The following DZANK1 variants were observed in gnomAD, a reference collection of about 807,000 sequenced individuals.
The protein encoded by DZANK1 is double zinc ribbon and ankyrin repeat-containing protein 1.
In DZANK1, 91 loss-of-function variants were observed where a neutral mutation model predicts 94.5. The ratio of observed to expected loss-of-function variants is 0.96; its 90% confidence interval spans 0.81 to 1.15. The LOEUF (loss-of-function observed/expected upper bound fraction) is 1.15. Ranked by LOEUF, DZANK1 falls within the 50% of genes most tolerant of loss-of-function variation. DZANK1 has a pLI of 0.00. For synonymous variants in DZANK1, 312 were observed against 325.3 expected (o/e 0.96, Z 0.44); for missense variants, 903 against 916.4 (o/e 0.99, Z 0.19).
chr20:18,464,106 T>C (rs2424206), intron 2 of DZANK1, among the ~76,000 whole-genome samples: 85,851 of 151,120 alleles, frequency 0.57, 24,598 homozygotes, highest in Admixed American at 0.6. Context: ...TGGAGTCTTG[T>C]TCTGTCTCCC....
intron 7 of DZANK1, among the ~76,000 whole-genome samples, chr20:18,447,571 G>A (rs778078419): frequency 7.9e-5 from 12 of 151,580 alleles, no homozygotes; most frequent in Non-Finnish European, 1.3e-4. Flanking sequence ...CAGGTGATCC[G>A]CCCACCTCAG....
At chr20:18,457,439 T>G (rs993380842) in intron 3 of DZANK1, among the ~76,000 whole-genome samples, 3 of 152,040 alleles carry the variant, frequency 2.0e-5, no homozygotes, top group Non-Finnish European at 4.4e-5. Flanking sequence ...ATCACACCAC[T>G]ACACTCCAGT....
At chr20:18,405,978 C>T (rs751556407) in intron 13 of DZANK1, among the ~76,000 whole-genome samples, 5 of 152,170 alleles carry the variant, frequency 3.3e-5, no homozygotes, top group Non-Finnish European at 5.9e-5. Context: ...AGCCAGTGCC[C>T]GCACATGGAG....
chr20:18,398,658 T>A (rs760784763), intron 13 of DZANK1, 32 bp from the exon 14 acceptor site: 1 of 1,585,114 alleles, frequency 6.3e-7, no homozygotes, highest in African/African-American at 1.3e-5. Context: ...GCCATCTGGA[T>A]GATTCTCCTG....
intron 8 of DZANK1, among the ~76,000 whole-genome samples, chr20:18,435,601 G>C (rs1440013186): frequency 6.6e-6 from 1 of 152,006 alleles, no homozygotes; most frequent in Non-Finnish European, 1.5e-5. Context: ...GTCGGGGGTG[G>C]GGGGCAAGAG....
At chr20:18,383,650 A>G (rs995073306) in exon 21 of DZANK1, 3 of 152,220 alleles carry the variant, frequency 2.0e-5, no homozygotes, top group Admixed American at 6.5e-5. Context: ...TGCTTATACC[A>G]CATGTATGTG....
At position 18,462,721 on chromosome 20, in the gene DZANK1, C is replaced by T. The variant is rs114854852; in HGVS notation, c.110-2415G>A. The stretch of plus-strand genomic sequence containing the variant: ...CAAAGAAATAAGAGTTGAGGCCGGG[C>T]GCGGTGGTTCACATCTGTAATCCCA... On this transcript the variant is annotated intron_variant, in intron 2 of 20. Coordinates refer to ENST00000262547, the Ensembl canonical transcript of DZANK1. 3.7e-3 allele frequency among the ~76,000 whole-genome samples: 565 copies of T among 152,060 alleles called. 5 individuals are homozygous for T. The highest frequency in any genetic ancestry group is 0.013 in the African/African-American group (529 of 41,484).
At chr20:18,463,278 G>C (rs370668527) in intron 2 of DZANK1, among the ~76,000 whole-genome samples, 1 of 152,092 alleles carries the variant, frequency 6.6e-6, no homozygotes, top group Non-Finnish European at 1.5e-5. Context: ...GAAATACCAC[G>C]TGTTCTCACT....
At chr20:18,416,109 C>T (rs1369932870) in intron 10 of DZANK1, among the ~76,000 whole-genome samples, 2 of 152,170 alleles carry the variant, frequency 1.3e-5, no homozygotes, top group African/African-American at 4.8e-5. Context: ...CACGTCAGTC[C>T]CACTGTAGAC....
intron 2 of DZANK1, among the ~76,000 whole-genome samples, chr20:18,461,498 T>C (rs1039415217): frequency 6.6e-6 from 1 of 152,182 alleles, no homozygotes; most frequent in Non-Finnish European, 1.5e-5. Flanking sequence ...TTATAAGCAC[T>C]ATAATAAATA....
intron 10 of DZANK1, among the ~76,000 whole-genome samples, chr20:18,418,595 G>A (rs547556621): frequency 2.9e-4 from 44 of 152,218 alleles, no homozygotes; most frequent in African/African-American, 6.0e-4. Flanking sequence ...TGGGGATTTT[G>A]TTGTTTGTTT....
chr20:18,409,911 C>A (rs1047249121), intron 13 of DZANK1, among the ~76,000 whole-genome samples: 4 of 151,102 alleles, frequency 2.6e-5, no homozygotes, highest in African/African-American at 9.7e-5. Flanking sequence ...CTACTAAAAA[C>A]ACAAAAAATT....
chr20:18,402,557 AG>A (rs2056742456), intron 13 of DZANK1, among the ~76,000 whole-genome samples: 1 of 152,108 alleles, frequency 6.6e-6, no homozygotes, highest in Non-Finnish European at 1.5e-5. Flanking sequence ...AAGAGGAATC[AG>A]GGTAGAAGTA....
intron 13 of DZANK1, among the ~76,000 whole-genome samples, chr20:18,401,798 G>A (rs751065081): frequency 3.9e-5 from 6 of 152,282 alleles, no homozygotes; most frequent in Middle Eastern, 6.8e-3. Context: ...GAGTTAAGTG[G>A]AAGCTTTCAG....
intron 9 of DZANK1, chr20:18,433,126 C>T (rs1357514578): frequency 2.6e-5 from 4 of 152,276 alleles, no homozygotes; most frequent in African/African-American, 9.7e-5. Flanking sequence ...AATCCATGTT[C>T]AGGGAATACA....
At chr20:18,392,490 C>T (rs1397131151) in intron 17 of DZANK1, among the ~76,000 whole-genome samples, 3 of 152,146 alleles carry the variant, frequency 2.0e-5, no homozygotes, top group Non-Finnish European at 2.9e-5. Flanking sequence ...GGGAAGCACA[C>T]GGCATCATGC....
chr20:18,441,510 A>G lies in DZANK1; in HGVS notation c.747+1837T>C, dbSNP rs1440296640. ...GTAAAGCAGATTCTACATATACAGA[A>G]ATTCCAAACATAGGGAGGATCCCCT... On this transcript the variant is annotated intron_variant, in intron 8 of 20. Transcript: ENST00000262547. The surrounding 1 kb of genome is among the most constrained non-coding windows in gnomAD (Gnocchi z 4.1). Among the ~76,000 whole-genome samples the G allele has an allele frequency of 6.6e-6, 1 of 152,242 alleles. No individual in the cohort carries two copies. The highest frequency in any genetic ancestry group is 6.5e-5 in the Admixed American group (1 of 15,284).
chr20:18,389,902 G>A, intron 18 of DZANK1, 74 bp from the exon 19 acceptor site: 1 of 1,587,268 alleles, frequency 6.3e-7, no homozygotes, highest in Non-Finnish European at 8.6e-7. Flanking sequence ...ATCCTATGAA[G>A]TATAACAGAT....
intron 9 of DZANK1, among the ~76,000 whole-genome samples, chr20:18,432,177 A>G (rs553706496): frequency 2.2e-4 from 33 of 152,302 alleles, no homozygotes; most frequent in Admixed American, 7.8e-4. Context: ...ACTGAAGATG[A>G]TATTATATAT....
Sources: allele counts gnomAD v4.1 joint callset (sites outside exome capture counted in the v4.1 genomes callset), GRCh38; gene constraint gnomAD v4.1.1; non-coding constraint Gnocchi (gnomAD v3.1); transcripts MANE v1.5; gene names NCBI Gene and HGNC (gene_info 2026-07-23, HGNC 2026-07-21).